Variants in TDRP observed in about 807,000 individuals in gnomAD.
TDRP encodes testis development related protein, also known as testis development-related protein.
TDRP carries 12 observed loss-of-function variants against 10.5 expected under a neutral mutation model. The ratio of observed to expected loss-of-function variants is 1.15; its 90% CI spans 0.73 to 1.86. The LOEUF (loss-of-function observed/expected upper bound fraction) is 1.86, where lower values mean the gene tolerates loss of function less well. TDRP is among the 40% of genes most tolerant of loss of function. The probability of loss-of-function intolerance (pLI) is 0.00; values close to 1 mark genes in which losing one functional copy is unlikely to be tolerated. For missense variants in TDRP, 353 were observed against 229.2 expected, an observed-to-expected ratio of 1.54 and a Z score of -3.49; for synonymous variants, 139 against 95.4, an observed-to-expected ratio of 1.46 and a Z score of -2.67.
chr8:513,533 T>A (rs1801673726), intron 1 of TDRP, among the ~76,000 whole-genome samples: 1 of 152,184 alleles, frequency 6.6e-6, no homozygotes, highest in Non-Finnish European at 1.5e-5. Context: ...TATGAAAATA[T>A]CTCAGCTAAC....
chr8:497,200 G>A (rs911320722), intron 1 of TDRP, among the ~76,000 whole-genome samples: 1 of 152,218 alleles, frequency 6.6e-6, no homozygotes, highest in African/African-American at 2.4e-5. Flanking sequence ...GAAGATGTGG[G>A]AATGTTTGGA....
chr8:499,417 C>G (rs1801225485), intron 1 of TDRP, among the ~76,000 whole-genome samples: 1 of 152,152 alleles, frequency 6.6e-6, no homozygotes, highest in Non-Finnish European at 1.5e-5. Flanking sequence ...CTCCACTAAC[C>G]ACACCACTGT....
chr8:508,632 T>A lies in TDRP; in HGVS notation c.109-14035A>T, dbSNP rs575104929. Among the ~76,000 whole-genome samples, 91 of 152,082 alleles carry A rather than the reference T, an allele frequency of 6.0e-4. 1 individual carries two copies. The highest frequency in any genetic ancestry group is 2.1e-4 in the Non-Finnish European group (14 of 68,006). ...TCACCAGGTCCTGCCCTTGATACAT[T>A]GCGATTATGGGAATTACAATTCAAG... On this transcript the variant is annotated intron_variant, in intron 1 of 2. Coordinates refer to ENST00000324079, the MANE Select transcript of TDRP (RefSeq NM_001384899.1).
intron 1 of TDRP, among the ~76,000 whole-genome samples, chr8:527,786 C>G (rs942202545): frequency 1.3e-5 from 2 of 152,126 alleles, no homozygotes; most frequent in Non-Finnish European, 2.9e-5. Context: ...AGACTTAAAT[C>G]TAAGACCTCA....
At chr8:531,733 A>G (rs769564216) in intron 1 of TDRP, among the ~76,000 whole-genome samples, 5 of 152,238 alleles carry the variant, frequency 3.3e-5, no homozygotes, top group Non-Finnish European at 5.9e-5. Flanking sequence ...ATATCACTAT[A>G]AAACTTTATT....
At chr8:542,530 A>AT (rs1193357852) in intron 1 of TDRP, among the ~76,000 whole-genome samples, 1 of 151,992 alleles carries the variant, frequency 6.6e-6, no homozygotes, top group East Asian at 1.9e-4. Context: ...AATAGAGTCT[A>AT]TTAAAGTTTT....
At chr8:533,698 A>C (rs1802268974) in intron 1 of TDRP, among the ~76,000 whole-genome samples, 1 of 152,196 alleles carries the variant, frequency 6.6e-6, no homozygotes, top group Admixed American at 6.5e-5. Context: ...GGATTTTCCC[A>C]GTTCTTCCCT....
intron 1 of TDRP, among the ~76,000 whole-genome samples, chr8:527,007 C>T (rs569091931): frequency 1.4e-4 from 22 of 152,248 alleles, no homozygotes; most frequent in African/African-American, 5.1e-4. Context: ...GTAATCCCAG[C>T]ATTTTGGGAG....
chr8:509,772 TC>T (rs1382817887), intron 1 of TDRP, among the ~76,000 whole-genome samples: 1 of 152,200 alleles, frequency 6.6e-6, no homozygotes, highest in Non-Finnish European at 1.5e-5. Context: ...CTTGAATTTC[TC>T]CCCCAAAAAT....
At chr8:536,471 G>C (rs1438536124) in intron 1 of TDRP, among the ~76,000 whole-genome samples, 1 of 152,202 alleles carries the variant, frequency 6.6e-6, no homozygotes, top group African/African-American at 2.4e-5. Context: ...GAAGAACTCA[G>C]ATAAAGCAAC....
At position 494,607 on chromosome 8, in the gene TDRP, G is replaced by C. The variant is rs761881657; in HGVS notation, c.109-10C>G. On this transcript the variant is annotated splice_polypyrimidine_tract_variant and intron_variant, in intron 1 of 2. Coordinates refer to ENST00000324079, the MANE Select transcript of TDRP (RefSeq NM_001384899.1). ...AACTTGCTCCCTGAACCTAATAAAA[G>C]GTTAAGAAAAATGTCAAATCTGATG... 6 of 1,611,700 alleles carry C rather than the reference G, an allele frequency of 3.7e-6. No homozygotes were observed. The highest frequency in any genetic ancestry group is 2.7e-5 in the African/African-American group (2 of 74,840).
In TDRP at chr8:494,479, A is replaced by C; in HGVS notation, c.212+15T>G. 6.2e-7 allele frequency: 1 copy of C among 1,609,150 alleles called. No individual in the cohort carries two copies. Among genetic ancestry groups the C allele is most frequent in the Non-Finnish European group, 8.5e-7 (1 of 1,175,930 alleles). On this transcript the variant is annotated intron_variant, in intron 2 of 2. Transcript: ENST00000324079. Reference sequence around the variant, plus strand: ...TCTCCTGAAATGATCATTTTCTTACACAGTTATGACTTACCCTTTGGACTT... The same window carrying C: ...TCTCCTGAAATGATCATTTTCTTACCCAGTTATGACTTACCCTTTGGACTT...
chr8:504,273 A>T (rs1262246003), intron 1 of TDRP, among the ~76,000 whole-genome samples: 1 of 152,204 alleles, frequency 6.6e-6, no homozygotes, highest in Non-Finnish European at 1.5e-5. Context: ...CTGGCCTCAA[A>T]AAAGGCCCCA....
chr8:527,665 C>A (rs1052381241), intron 1 of TDRP, among the ~76,000 whole-genome samples: 1 of 152,074 alleles, frequency 6.6e-6, no homozygotes, highest in Non-Finnish European at 1.5e-5. Flanking sequence ...AAAGGACAAT[C>A]TCTTCAATAA....
intron 1 of TDRP, among the ~76,000 whole-genome samples, chr8:529,491 T>C (rs531830198): frequency 4.1e-4 from 63 of 152,360 alleles, no homozygotes; most frequent in Admixed American, 3.7e-3. Flanking sequence ...TTTATATTGC[T>C]ATTTAGCATC....
intron 1 of TDRP, among the ~76,000 whole-genome samples, chr8:526,065 G>A (rs1174143513): frequency 2.0e-5 from 3 of 151,998 alleles, no homozygotes; most frequent in East Asian, 1.9e-4. Flanking sequence ...CCAATTTATT[G>A]GCATATAGTT....
intron 1 of TDRP, among the ~76,000 whole-genome samples, chr8:503,017 C>A (rs114040421): frequency 3.6e-4 from 55 of 152,074 alleles, no homozygotes; most frequent in African/African-American, 1.3e-3. Context: ...AGAACCAATG[C>A]CCACCTCAGC....
chr8:500,552 ATACT>A (rs747021583), intron 1 of TDRP, among the ~76,000 whole-genome samples: 4 of 152,266 alleles, frequency 2.6e-5, no homozygotes, highest in Admixed American at 6.5e-5. Flanking sequence ...GCCATCCTTC[ATACT>A]TAATCTCACA....
chr8:495,358 T>G (rs73175011), intron 1 of TDRP, among the ~76,000 whole-genome samples: 5,645 of 152,276 alleles, frequency 0.037, 123 homozygotes, highest in Non-Finnish European at 0.046. Flanking sequence ...GCCACTACCT[T>G]TAAGCGTCAG....
Sources: allele counts gnomAD v4.1 joint callset (sites outside exome capture counted in the v4.1 genomes callset), GRCh38; gene constraint gnomAD v4.1.1; transcripts MANE v1.5; gene names NCBI Gene and HGNC (gene_info 2026-07-23, HGNC 2026-07-21).